LSM14B: variants seen among roughly 807,000 people sequenced by gnomAD.
LSM14B encodes protein LSM14 homolog B.
A neutral mutation model predicts 42.1 loss-of-function variants in LSM14B; 8 were observed. The ratio of observed to expected loss-of-function variants is 0.19; its 90% CI spans 0.11 to 0.34. LSM14B has a LOEUF of 0.34. Among genes scored for constraint, LSM14B ranks in the 10% least tolerant of loss-of-function variants. The pLI is 1.00. For missense variants in LSM14B, 396 were observed against 513.1 expected (o/e 0.77, Z 2.21); for synonymous variants, 219 against 209.7 (o/e 1.04, Z -0.38).
chr20:62,133,295 G>T lies in LSM14B; in HGVS notation c.992G>T (p.Arg331Met), dbSNP rs770105883. 6.2e-7 allele frequency: 1 copy of T among 1,613,408 alleles called. No homozygotes were observed. The highest frequency in any genetic ancestry group is 8.5e-7 in the Non-Finnish European group (1 of 1,179,614). ...NISSELKTSSRRTTWAEERKL... is the reference protein window; with the variant it reads ...NISSELKTSSMRTTWAEERKL... Reference sequence around the variant, plus strand: ...GCATTTCCTCTGTGGTTTAGCTCCAGGCGGACGACGTGGGCCGAAGAGAGG... The same window carrying T: ...GCATTTCCTCTGTGGTTTAGCTCCATGCGGACGACGTGGGCCGAAGAGAGG... Residue 331 changes from arginine (R) to methionine (M), a missense_variant, in exon 8 of 9, where the codon AGG (arginine) becomes ATG (methionine). By Grantham distance (91) the Arg-to-Met change is moderately conservative. This residue lies in a region of LSM14B where 118 missense variants were observed against 156.4 expected (regional missense o/e 0.75). Transcript: ENST00000279068.
Position 62,122,732 on chromosome 20 carries a change from C to A in LSM14B, c.66C>A (p.Ile22=). ...TCAGCCTCATCTCCAAGGCGCAGATCCGCTACGAGGGCATTCTCTACACCA... is the reference window on the plus strand; with the variant it reads ...TCAGCCTCATCTCCAAGGCGCAGATACGCTACGAGGGCATTCTCTACACCA... The part of the protein sequence containing the change: ...SKISLISKAQ[I]RYEGILYTID... Residue 22 remains isoleucine, a synonymous_variant, in exon 1 of 9, where the codon ATC becomes ATA. Transcript: ENST00000279068. The surrounding 1 kb of genome is among the most constrained non-coding windows in gnomAD (Gnocchi z 4.6). 1 of 1,526,302 alleles carries A rather than the reference C, an allele frequency of 6.6e-7. No homozygotes were observed. The highest frequency in any genetic ancestry group is 1.4e-5 in the African/African-American group (1 of 69,432). 94.5% of individuals were successfully genotyped at this position (1,526,302 alleles called of 1,614,324 possible).
rs2145579233 is a variant in LSM14B at position 62,122,638 on chromosome 20, C to T, written c.-29C>T. 7.5e-7 allele frequency: 1 copy of T among 1,326,702 alleles called. No individual in the cohort carries two copies. Among genetic ancestry groups the T allele is most frequent in the Non-Finnish European group, 9.9e-7 (1 of 1,014,478 alleles). 82.2% of individuals were successfully genotyped at this position (1,326,702 alleles called of 1,614,324 possible). A position where few individuals can be genotyped will look rare whatever the true frequency, so the allele number is the denominator to read the frequency against. ...GCCGCGGCCCGGCGCTCCTTCCCCA[C>T]CGCGGCCCGACGCACCCCGGCCGCC... On this transcript the variant is annotated 5_prime_UTR_variant, in exon 1 of 9. Transcript: ENST00000279068. This position sits in a 1 kb window ranked among gnomAD's most constrained non-coding sequence, Gnocchi z 4.6.
chr20:62,129,041 T>G, intron 3 of LSM14B: 1 of 1,289,012 alleles, frequency 7.8e-7, no homozygotes, highest in Non-Finnish European at 1.0e-6. Flanking sequence ...AGGTGGGTGG[T>G]GCTTCCCATT....
At chr20:62,129,465 G>C (rs1165915172) in intron 3 of LSM14B, among the ~76,000 whole-genome samples, 1 of 152,168 alleles carries the variant, frequency 6.6e-6, no homozygotes, top group Non-Finnish European at 1.5e-5. Context: ...CCACACTTCT[G>C]GGGAGGTGCC....
intron 3 of LSM14B, 37 bp downstream of exon 3, chr20:62,126,476 C>G: frequency 6.3e-7 from 1 of 1,597,238 alleles, no homozygotes. Context: ...ACTACCCTTG[C>G]GTGTAACTGT....
At chr20:62,126,194 TG>T (rs1254543402) in intron 2 of LSM14B, 109 bp from the exon 3 acceptor site, 1 of 1,528,222 alleles carries the variant, frequency 6.5e-7, no homozygotes, top group African/African-American at 1.4e-5. Flanking sequence ...ATCTCAAGGG[TG>T]CAGGCTGATG....
Position 62,122,643 on chromosome 20 carries a change from G to A in LSM14B, c.-24G>A. On this transcript the variant is annotated 5_prime_UTR_variant, in exon 1 of 9. Coordinates refer to ENST00000279068, the MANE Select transcript of LSM14B (RefSeq NM_144703.3). The surrounding 1 kb of genome is among the most constrained non-coding windows in gnomAD (Gnocchi z 4.6). ...GGCCCGGCGCTCCTTCCCCACCGCG[G>A]CCCGACGCACCCCGGCCGCCGCCAT... 7.4e-7 allele frequency: 1 copy of A among 1,354,876 alleles called. No homozygotes were observed. The highest frequency in any genetic ancestry group is 1.4e-5 in the South Asian group (1 of 70,194). The allele number at this position is 1,354,876 out of a possible 1,614,324, so 83.9% of individuals were successfully genotyped here. A position where few individuals can be genotyped will look rare whatever the true frequency, so the allele number is the denominator to read the frequency against.
intron 2 of LSM14B, 45 bp from the exon 3 acceptor site, chr20:62,126,259 G>A (rs760317382): frequency 1.9e-6 from 3 of 1,613,584 alleles, no homozygotes; most frequent in East Asian, 2.2e-5. Flanking sequence ...CGTGCGGGGT[G>A]ATGGGATGGC....
chr20:62,126,082 C>CA (rs1250295865), intron 2 of LSM14B: 26 of 644,726 alleles, frequency 4.0e-5, no homozygotes, highest in African/African-American at 3.8e-4. Context: ...CAAAACAAAA[C>CA]AAAAAAAGGA....
intron 3 of LSM14B, among the ~76,000 whole-genome samples, chr20:62,127,138 A>G (rs532607324): frequency 2.0e-5 from 3 of 152,338 alleles, no homozygotes; most frequent in Admixed American, 6.5e-5. Context: ...CCCACCCATC[A>G]TGTCCCTTAT....
At chr20:62,131,866 A>T (rs4925347) in intron 7 of LSM14B, among the ~76,000 whole-genome samples, 100,549 of 152,178 alleles carry the variant, frequency 0.66, 36,361 homozygotes, top group Non-Finnish European at 0.8. Flanking sequence ...GTCCTTGCTT[A>T]GCAGCCTGAG....
Position 62,124,797 on chromosome 20 carries a change from C to T in LSM14B, c.291+17C>T, listed in dbSNP as rs748395215. On this transcript the variant is annotated intron_variant, in intron 2 of 8. Coordinates refer to ENST00000279068, the MANE Select transcript of LSM14B (RefSeq NM_144703.3). ...ATTGTTCAGGTAAGTGTGCCACTGT[C>T]CCTCTGTGCATGCTGTAGGAGATGC... The T allele has an allele frequency of 2.5e-6, 4 of 1,608,074 alleles. No individual in the cohort carries two copies. The highest frequency in any genetic ancestry group is 3.4e-6 in the Non-Finnish European group (4 of 1,176,478).
chr20:62,133,564 G>T, intron 8 of LSM14B, 89 bp downstream of exon 8: 1 of 1,444,690 alleles, frequency 6.9e-7, no homozygotes, highest in East Asian at 2.5e-5. Context: ...AGCAGGCTCG[G>T]TTTCCCAGGA....
chr20:62,132,093 G>C (rs1257272043), intron 7 of LSM14B, among the ~76,000 whole-genome samples: 1 of 152,242 alleles, frequency 6.6e-6, no homozygotes, highest in Non-Finnish European at 1.5e-5. Flanking sequence ...GCGTTGAGGG[G>C]GCCTCAGAAG....
intron 1 of LSM14B, chr20:62,123,303 C>G (rs888642375): frequency 1.3e-5 from 2 of 152,404 alleles, no homozygotes; most frequent in African/African-American, 4.8e-5. Flanking sequence ...GCAAGCCTTT[C>G]TGGAACTTAT....
Position 62,134,230 on chromosome 20 carries a change from AG to A in LSM14B, c.*85del, listed in dbSNP as rs2056847458. The A allele has an allele frequency of 2.1e-6, 1 of 471,548 alleles. No homozygotes were observed. Among genetic ancestry groups the A allele is most frequent in the Admixed American group, 2.4e-5 (1 of 42,506 alleles). 29.2% of individuals were successfully genotyped at this position (471,548 alleles called of 1,614,324 possible). On this transcript the variant is annotated 3_prime_UTR_variant, in exon 9 of 9. Coordinates refer to ENST00000279068, the MANE Select transcript of LSM14B (RefSeq NM_144703.3). ...GACGCGAGGAAAACGCTGCACTTACAGGGAGAGGTGGTCACTTTGTTTACGG... is the reference window on the plus strand; with the variant it reads ...GACGCGAGGAAAACGCTGCACTTACAGGAGAGGTGGTCACTTTGTTTACGG...
At position 62,134,084 on chromosome 20, in the gene LSM14B, G is replaced by A. The variant is rs139038542; in HGVS notation, c.*15-79G>A. 3.3e-3 allele frequency: 1,263 copies of A among 378,808 alleles called. 5 individuals are homozygous for A. The highest frequency in any genetic ancestry group is 7.8e-3 in the Middle Eastern group (13 of 1,674). 23.5% of individuals were successfully genotyped at this position (378,808 alleles called of 1,614,324 possible). A position where few individuals can be genotyped will look rare whatever the true frequency, so the allele number is the denominator to read the frequency against. Reference sequence around the variant, plus strand: ...TGACTCTGGGGGCAGGAGGGAGGCTGAGTGGCTCCTGCTCGCCAGCAGGGG... The same window carrying A: ...TGACTCTGGGGGCAGGAGGGAGGCTAAGTGGCTCCTGCTCGCCAGCAGGGG... On this transcript the variant is annotated intron_variant, in intron 8 of 8. Coordinates refer to ENST00000279068, the MANE Select transcript of LSM14B (RefSeq NM_144703.3).
chr20:62,127,845 T>C (rs1230822456), intron 3 of LSM14B: 1 of 728,548 alleles, frequency 1.4e-6, no homozygotes, highest in Non-Finnish European at 2.5e-6. Context: ...TGCTTCAGCA[T>C]GTAGTCCTGA....
chr20:62,133,388 T>TCCGAGGAGGCAGGGGCAATGGGACCAC lies in LSM14B; in HGVS notation c.1089_1115dup (p.Gly364_Arg372dup), dbSNP rs1406470044. On this transcript the variant is annotated inframe_insertion, in exon 8 of 9. Transcript: ENST00000279068. ...CGTGGCCGCAGTTCTCGGGGCGGATTCCGAGGAGGCAGGGGCAATGGGACC... is the reference window on the plus strand; with the variant it reads ...CGTGGCCGCAGTTCTCGGGGCGGATTCCGAGGAGGCAGGGGCAATGGGACCACCCGAGGAGGCAGGGGCAATGGGACC... 1 of 1,613,130 alleles carries TCCGAGGAGGCAGGGGCAATGGGACCAC rather than the reference T, an allele frequency of 6.2e-7. No homozygotes were observed. The highest frequency in any genetic ancestry group is 8.5e-7 in the Non-Finnish European group (1 of 1,179,578).
Sources: allele counts gnomAD v4.1 joint callset (sites outside exome capture counted in the v4.1 genomes callset), GRCh38; gene constraint gnomAD v4.1.1; regional missense constraint gnomAD v4.1.1; non-coding constraint Gnocchi (gnomAD v3.1); transcripts MANE v1.5; gene names NCBI Gene and HGNC (gene_info 2026-07-23, HGNC 2026-07-21).